Variants in PLIN3 observed in about 807,000 individuals in gnomAD.
PLIN3 encodes the protein perilipin-3.
In PLIN3, 30 loss-of-function variants were observed where a neutral mutation model predicts 35.9. The ratio of observed to expected loss-of-function variants is 0.84; its 90% CI spans 0.62 to 1.13. PLIN3 has a LOEUF of 1.13. Among genes scored for constraint, PLIN3 ranks in the 50% most tolerant of loss-of-function variants. The pLI is 0.00. For missense variants in PLIN3, 603 were observed against 596.9 expected (o/e 1.01, Z -0.11); for synonymous variants, 261 against 262.5 (o/e 0.99, Z 0.06).
intron 1 of PLIN3, among the ~76,000 whole-genome samples, chr19:4,865,944 C>A (rs934972778): frequency 1.3e-5 from 2 of 151,050 alleles, no homozygotes; most frequent in African/African-American, 2.4e-5. Flanking sequence ...AGGATCGTCT[C>A]GATCTCCTGA....
chr19:4,861,182 G>T, intron 2 of PLIN3, 147 bp downstream of exon 2: 1 of 710,388 alleles, frequency 1.4e-6, no homozygotes, highest in Non-Finnish European at 2.5e-6. Flanking sequence ...CCAGTGAGTG[G>T]TCCATACCCC....
At chr19:4,858,270 C>CA (rs1188330437) in intron 4 of PLIN3, among the ~76,000 whole-genome samples, 19,934 of 51,084 alleles carry the variant, frequency 0.39, 4,297 homozygotes, top group East Asian at 0.69. Context: ...GACCCCGTCT[C>CA]AAAAAAAAAA....
chr19:4,859,810 C>G lies in PLIN3; in HGVS notation c.265+16G>C. 1.9e-6 allele frequency: 3 copies of G among 1,612,948 alleles called. No homozygotes were observed. Among genetic ancestry groups the G allele is most frequent in the South Asian group, 1.1e-5 (1 of 90,978 alleles). ...GACCAGGAGGGGAATTCAGTGCCCC[C>G]TGGGACTTCACCCACTCTGGGGCTC... On this transcript the variant is annotated intron_variant, in intron 3 of 7. Transcript: ENST00000221957.
At position 4,861,422 on chromosome 19, in the gene PLIN3, A is replaced by C; in HGVS notation, c.-17-11T>G. 1 of 1,596,198 alleles carries C rather than the reference A, an allele frequency of 6.3e-7. No individual in the cohort carries two copies. The highest frequency in any genetic ancestry group is 8.6e-7 in the Non-Finnish European group (1 of 1,168,434). On this transcript the variant is annotated splice_polypyrimidine_tract_variant and intron_variant, in intron 1 of 7. Transcript: ENST00000221957. ...TCTCTGCAGCAGACGCTGAGGAGAG[A>C]GGAACAGTCAGGTACAGCCTGCCTG... is the stretch of plus-strand genomic sequence containing the variant.
chr19:4,867,437 AT>A (rs1295504938), intron 1 of PLIN3, among the ~76,000 whole-genome samples, 171 bp downstream of exon 1: 2 of 151,650 alleles, frequency 1.3e-5, no homozygotes, highest in East Asian at 3.9e-4. Context: ...CAGAAGTTGG[AT>A]TTTTCTGGGG....
chr19:4,843,254 C>T (rs890656689), intron 7 of PLIN3, among the ~76,000 whole-genome samples: 3 of 144,284 alleles, frequency 2.1e-5, no homozygotes, highest in Non-Finnish European at 4.5e-5. Context: ...CGCCTGTAAT[C>T]CCAGCACTTT....
At position 4,864,098 on chromosome 19, in the gene PLIN3, A is replaced by AGTGTGT. The variant is rs71170861; in HGVS notation, c.-17-2693_-17-2688dup. Among the ~76,000 whole-genome samples the AGTGTGT allele has an allele frequency of 1.2e-3, 149 of 125,378 alleles. 1 individual carries two copies. The highest frequency in any genetic ancestry group is 8.1e-3 in the Middle Eastern group (2 of 248). 82.3% of individuals were successfully genotyped at this position (125,378 alleles called of 152,430 possible). ...CAGGCACGCACCACCACACCTGGCT[A>AGTGTGT]GTGTGTGTGTGTGTGTGTGTGTGTG... On this transcript the variant is annotated intron_variant, in intron 1 of 7. Transcript: ENST00000221957.
intron 1 of PLIN3, among the ~76,000 whole-genome samples, chr19:4,863,441 G>C (rs1208708724): frequency 6.6e-6 from 1 of 150,490 alleles, no homozygotes; most frequent in African/African-American, 2.5e-5. Context: ...AAGTTGCAGT[G>C]AGCCGAGATC....
At chr19:4,844,922 G>C (rs2030036936) in intron 6 of PLIN3, 129 bp from the exon 7 acceptor site, 16 of 1,081,702 alleles carry the variant, frequency 1.5e-5, no homozygotes, top group Non-Finnish European at 1.9e-5. Flanking sequence ...GGGAGGGAGG[G>C]AGGAAGGGTT....
At position 4,838,627 on chromosome 19, in the gene PLIN3, C is replaced by G. The variant is rs1265898986; in HGVS notation, c.*565G>C. The G allele has an allele frequency of 6.7e-6, 1 of 149,546 alleles. No individual in the cohort carries two copies. Among genetic ancestry groups the G allele is most frequent in the Admixed American group, 6.7e-5 (1 of 14,818 alleles). 9.3% of individuals were successfully genotyped at this position (149,546 alleles called of 1,614,324 possible). On this transcript the variant is annotated 3_prime_UTR_variant, in exon 8 of 8. Coordinates refer to ENST00000221957, the MANE Select transcript of PLIN3 (RefSeq NM_005817.5). ...CTAAGTCTCACTCTTGTCCCCCAGGCTGGAGTGCAATGGCGCGATCTTGGC... is the reference window on the plus strand; with the variant it reads ...CTAAGTCTCACTCTTGTCCCCCAGGGTGGAGTGCAATGGCGCGATCTTGGC...
At chr19:4,853,319 TTTTA>T (rs1443547138) in intron 4 of PLIN3, among the ~76,000 whole-genome samples, 2 of 151,714 alleles carry the variant, frequency 1.3e-5, no homozygotes, top group Non-Finnish European at 2.9e-5. Flanking sequence ...TATCTTTTAT[TTTTA>T]TTTATTTATT....
intron 1 of PLIN3, among the ~76,000 whole-genome samples, chr19:4,863,956 G>A (rs1050227480): frequency 2.6e-5 from 4 of 151,974 alleles, no homozygotes; most frequent in Non-Finnish European, 5.9e-5. Context: ...TTCTTGAGAC[G>A]GATTTCCGCT....
At position 4,861,386 on chromosome 19, in the gene PLIN3, G is replaced by A. The variant is rs370418210; in HGVS notation, c.9C>T (p.Ala3=). MS[A]DGAEADGSTQ... ...TGCTGCCATCAGCCTCTGCCCCGTCGGCAGACATGGTCTCTGCAGCAGACG... is the reference window on the plus strand; with the variant it reads ...TGCTGCCATCAGCCTCTGCCCCGTCAGCAGACATGGTCTCTGCAGCAGACG... The change falls in exon 2 of 8, where the codon GCC becomes GCT. Residue 3 remains alanine (A), a synonymous_variant. Coordinates refer to ENST00000221957, the MANE Select transcript of PLIN3 (RefSeq NM_005817.5). The A allele has an allele frequency of 7.7e-5, 124 of 1,612,848 alleles. No individual in the cohort carries two copies. Among genetic ancestry groups the A allele is most frequent in the South Asian group, 6.4e-4 (58 of 91,082 alleles).
Position 4,844,715 on chromosome 19 carries a change from TCCAGCTGAG to T in PLIN3, c.904_912del (p.Leu302_Trp304del). Reference sequence around the variant, plus strand: ...TCGGGGCCCTGGAGCTGCTTCTGGTTCCAGCTGAGCCACATCTGGTGCAGCTTCTCCTGG... The same window carrying T: ...TCGGGGCCCTGGAGCTGCTTCTGGTTCCACATCTGGTGCAGCTTCTCCTGG... On this transcript the variant is annotated inframe_deletion, in exon 7 of 8. Transcript: ENST00000221957. 2 of 1,608,556 alleles carry T rather than the reference TCCAGCTGAG, an allele frequency of 1.2e-6. No individual in the cohort carries two copies. The highest frequency in any genetic ancestry group is 1.7e-6 in the Non-Finnish European group (2 of 1,177,762).
chr19:4,860,843 T>C (rs1024693930), intron 2 of PLIN3, among the ~76,000 whole-genome samples: 1 of 152,002 alleles, frequency 6.6e-6, no homozygotes. Flanking sequence ...TGGTGGCACA[T>C]GCCTGTTACC....
At chr19:4,855,352 T>A (rs2030440262) in intron 4 of PLIN3, among the ~76,000 whole-genome samples, 1 of 151,666 alleles carries the variant, frequency 6.6e-6, no homozygotes, top group African/African-American at 2.4e-5. Flanking sequence ...GAAAGACTGT[T>A]GGCCTCCTAC....
chr19:4,850,213 G>A (rs147745696), intron 5 of PLIN3, among the ~76,000 whole-genome samples: 9,280 of 151,692 alleles, frequency 0.061, 384 homozygotes, highest in Non-Finnish European at 0.092. Flanking sequence ...CAAAGTACTG[G>A]GATTACAGCC....
intron 5 of PLIN3, among the ~76,000 whole-genome samples, chr19:4,848,207 C>A (rs1037249826): frequency 6.6e-6 from 1 of 152,114 alleles, no homozygotes; most frequent in Admixed American, 6.6e-5. Context: ...TGGTCTCGAA[C>A]TCCTGATCTC....
chr19:4,865,052 T>A (rs1373423874), intron 1 of PLIN3, among the ~76,000 whole-genome samples: 1 of 151,802 alleles, frequency 6.6e-6, no homozygotes, highest in Non-Finnish European at 1.5e-5. Flanking sequence ...TAGGTGCGGG[T>A]GTGGTGGCGG....
Sources: allele counts gnomAD v4.1 joint callset (sites outside exome capture counted in the v4.1 genomes callset), GRCh38; gene constraint gnomAD v4.1.1; transcripts MANE v1.5; gene names NCBI Gene and HGNC (gene_info 2026-07-23, HGNC 2026-07-21).